MITF: variants seen among roughly 807,000 people sequenced by gnomAD.
MITF encodes microphthalmia-associated transcription factor.
MITF carries 17 observed loss-of-function variants against 60.5 expected under a neutral mutation model. The observed-to-expected ratio is 0.28, with a 90% CI of 0.19 to 0.42. MITF has a LOEUF of 0.42. Ranked by LOEUF, MITF falls within the 10% of genes least tolerant of loss-of-function variation. MITF has a pLI of 1.00. For synonymous variants in MITF, 260 were observed against 248.5 expected, an observed-to-expected ratio of 1.05 and a Z score of -0.43; for missense variants, 622 against 683.5, an observed-to-expected ratio of 0.91 and a Z score of 1.00.
rs569619094 is a variant in MITF, at chr3:69,912,604, C to T, written c.355-25218C>T. On this transcript the variant is annotated intron_variant, in intron 2 of 9. Transcript: ENST00000352241. ...GCCTATGATTTCTTTGAAGCCAAGC[C>T]TCATGCAATTTACCAAAGAAAGTAT... Among the ~76,000 whole-genome samples, 6 of 152,200 alleles carry T rather than the reference C, an allele frequency of 3.9e-5. No individual in the cohort carries two copies. In the South Asian group the frequency reaches 1.2e-3, roughly 32 times the overall value.
chr3:69,809,191 A>G (rs2063061089), intron 1 of MITF, among the ~76,000 whole-genome samples: 1 of 152,166 alleles, frequency 6.6e-6, no homozygotes, highest in South Asian at 2.1e-4. Flanking sequence ...CCTGTTTTAT[A>G]AATAAAAATG....
intron 1 of MITF, among the ~76,000 whole-genome samples, chr3:69,852,554 C>T (rs1236642939): frequency 6.6e-6 from 1 of 152,150 alleles, no homozygotes; most frequent in Non-Finnish European, 1.5e-5. Flanking sequence ...TTTATCCATT[C>T]CACTGTTGAT....
rs201353723 is a variant in MITF at position 69,956,544 on chromosome 3, C to T, written c.1031+14C>T. On this transcript the variant is annotated intron_variant, in intron 8 of 9. Coordinates refer to ENST00000352241, the MANE Select transcript of MITF (RefSeq NM_001354604.2). ...GTCAAATGATCCGTGAGTACAATCG[C>T]GTGTTAATCTGCATCATATATTTTT... The T allele has an allele frequency of 6.8e-4, 1,089 of 1,597,706 alleles. 2 individuals carry two copies. The highest frequency in any genetic ancestry group is 7.8e-4 in the Non-Finnish European group (905 of 1,165,274).
At chr3:69,854,010 T>C (rs2874181) in intron 1 of MITF, among the ~76,000 whole-genome samples, 73,211 of 151,598 alleles carry the variant, frequency 0.48, 19,754 homozygotes, top group Non-Finnish European at 0.63. Flanking sequence ...CCACCACGCC[T>C]GGCTAATTTT....
chr3:69,870,301 TAC>T (rs1559686410), intron 1 of MITF, among the ~76,000 whole-genome samples: 1 of 137,672 alleles, frequency 7.3e-6, no homozygotes, highest in Non-Finnish European at 1.5e-5. Context: ...TTTATATATA[TAC>T]ACATACATAT....
chr3:69,938,397 A>C, intron 3 of MITF: 1 of 1,559,136 alleles, frequency 6.4e-7, no homozygotes. Flanking sequence ...GGGAGGTGGA[A>C]AAGGAAAAGC....
At chr3:69,814,607 A>C (rs1232178857) in intron 1 of MITF, among the ~76,000 whole-genome samples, 1 of 152,212 alleles carries the variant, frequency 6.6e-6, no homozygotes, top group East Asian at 1.9e-4. Flanking sequence ...GGGATGAACC[A>C]GTGTGCCCGG....
intron 1 of MITF, among the ~76,000 whole-genome samples, chr3:69,772,995 G>A (rs945657514): frequency 3.9e-5 from 6 of 152,216 alleles, no homozygotes; most frequent in African/African-American, 1.4e-4. Context: ...ATGCTGGTAA[G>A]TGTTATAGAG....
intron 1 of MITF, among the ~76,000 whole-genome samples, chr3:69,789,957 T>C (rs1383627921): frequency 3.3e-5 from 5 of 152,174 alleles, no homozygotes; most frequent in Admixed American, 1.3e-4. Flanking sequence ...CAGGGTCCTA[T>C]AGATAATTGC....
At chr3:69,853,620 A>G (rs938421710) in intron 1 of MITF, among the ~76,000 whole-genome samples, 8 of 152,058 alleles carry the variant, frequency 5.3e-5, no homozygotes, top group African/African-American at 1.9e-4. Flanking sequence ...CTAGTTAACC[A>G]TCATCCTTTT....
At chr3:69,860,939 G>A (rs907554034) in intron 1 of MITF, among the ~76,000 whole-genome samples, 1 of 152,140 alleles carries the variant, frequency 6.6e-6, no homozygotes, top group Admixed American at 6.5e-5. Context: ...AATAGAAACA[G>A]GATGAAAGAG....
At chr3:69,786,404 G>A (rs1206136824) in intron 1 of MITF, among the ~76,000 whole-genome samples, 1 of 152,162 alleles carries the variant, frequency 6.6e-6, no homozygotes, top group African/African-American at 2.4e-5. Flanking sequence ...GTAGAGGTAA[G>A]ACGCTTTTGA....
At chr3:69,895,246 ATACT>A (rs1476145241) in intron 2 of MITF, among the ~76,000 whole-genome samples, 4 of 152,244 alleles carry the variant, frequency 2.6e-5, no homozygotes, top group African/African-American at 9.6e-5. Flanking sequence ...AGTGTATATA[ATACT>A]TACAGTTCCA....
At chr3:69,928,763 G>A (rs1044228963) in intron 2 of MITF, among the ~76,000 whole-genome samples, 1 of 152,166 alleles carries the variant, frequency 6.6e-6, no homozygotes, top group African/African-American at 2.4e-5. Context: ...ATTCTGTCTA[G>A]GTGAACAGAC....
At chr3:69,954,786 A>G (rs1385036996) in intron 7 of MITF, among the ~76,000 whole-genome samples, 1 of 152,196 alleles carries the variant, frequency 6.6e-6, no homozygotes, top group Non-Finnish European at 1.5e-5. Context: ...AGGACTTCGT[A>G]TTATATAAAA....
At chr3:69,843,904 C>A (rs919566824) in intron 1 of MITF, among the ~76,000 whole-genome samples, 2 of 152,092 alleles carry the variant, frequency 1.3e-5, no homozygotes, top group Admixed American at 1.3e-4. Flanking sequence ...GTCCCCCGCC[C>A]CACGATAGAC....
intron 1 of MITF, among the ~76,000 whole-genome samples, chr3:69,805,919 C>T (rs929125491): frequency 6.6e-6 from 1 of 152,042 alleles, no homozygotes; most frequent in African/African-American, 2.4e-5. Flanking sequence ...CCTTGTTCTT[C>T]CAAAGTACTG....
At chr3:69,747,671 G>A (rs1703779686) in intron 1 of MITF, among the ~76,000 whole-genome samples, 1 of 152,192 alleles carries the variant, frequency 6.6e-6, no homozygotes, top group South Asian at 2.1e-4. Flanking sequence ...AGTCTTAAAT[G>A]TTTTCCTAAT....
intron 1 of MITF, among the ~76,000 whole-genome samples, chr3:69,871,210 A>G (rs1394914183): frequency 6.6e-6 from 1 of 152,162 alleles, no homozygotes; most frequent in Admixed American, 6.5e-5. Flanking sequence ...CCAGATTTAC[A>G]TCCTACCAGC....
Sources: allele counts gnomAD v4.1 joint callset (sites outside exome capture counted in the v4.1 genomes callset), GRCh38; gene constraint gnomAD v4.1.1; transcripts MANE v1.5; gene names NCBI Gene and HGNC (gene_info 2026-07-23, HGNC 2026-07-21).